The following FRMD4A variants were observed in gnomAD, a reference collection of about 807,000 sequenced individuals.
The protein encoded by FRMD4A is FERM domain containing 4A, also known as FERM domain-containing protein 4A.
A neutral mutation model predicts 129.1 loss-of-function variants in FRMD4A; 29 were observed. That is an observed-to-expected ratio of 0.22 (90% CI 0.17 to 0.31). The LOEUF is 0.31. Ranked by LOEUF, FRMD4A falls within the 10% of genes least tolerant of loss-of-function variation. FRMD4A has a pLI of 1.00. For synonymous variants in FRMD4A, 634 were observed against 571.6 expected (o/e 1.11, Z -1.56); for missense variants, 1,272 against 1,375.8 (o/e 0.92, Z 1.19).
chr10:14,017,589 T>C (rs1352340917), intron 2 of FRMD4A, among the ~76,000 whole-genome samples: 1 of 152,226 alleles, frequency 6.6e-6, no homozygotes. Context: ...TGCTTCCTTT[T>C]CCAGGAGGAG....
At chr10:13,972,172 A>T in intron 2 of FRMD4A, 1 of 1,039,690 alleles carries the variant, frequency 9.6e-7, no homozygotes, top group Non-Finnish European at 1.2e-6. Context: ...GAACTTAGGG[A>T]AGACCTCAGA....
intron 2 of FRMD4A, among the ~76,000 whole-genome samples, chr10:14,231,076 A>G (rs7912841): frequency 0.09 from 13,719 of 152,172 alleles, 1,450 homozygotes; most frequent in African/African-American, 0.26. Flanking sequence ...GGGTGCTTCA[A>G]TGAACATATG....
chr10:13,896,635 T>C (rs2094761852), intron 2 of FRMD4A, among the ~76,000 whole-genome samples: 1 of 151,660 alleles, frequency 6.6e-6, no homozygotes, highest in Non-Finnish European at 1.5e-5. Context: ...AGTATACCTA[T>C]GTAACAAACC....
At chr10:13,671,974 C>T (rs1371627238) in intron 16 of FRMD4A, among the ~76,000 whole-genome samples, 2 of 152,270 alleles carry the variant, frequency 1.3e-5, no homozygotes, top group African/African-American at 4.8e-5. Context: ...CGCAGGGCAG[C>T]CCAGGGCTGA....
chr10:13,852,624 G>A (rs574521937), intron 3 of FRMD4A, among the ~76,000 whole-genome samples: 9 of 151,920 alleles, frequency 5.9e-5, no homozygotes, highest in Admixed American at 3.9e-4. Context: ...ATTTTAACAC[G>A]GACTCACCAA....
intron 2 of FRMD4A, among the ~76,000 whole-genome samples, chr10:14,081,043 C>A (rs960344106): frequency 6.6e-6 from 1 of 151,990 alleles, no homozygotes; most frequent in African/African-American, 2.4e-5. Flanking sequence ...AAAGATTACT[C>A]AGGTTGTAAT....
intron 2 of FRMD4A, among the ~76,000 whole-genome samples, chr10:13,895,821 A>G (rs1235180790): frequency 6.6e-6 from 1 of 152,214 alleles, no homozygotes; most frequent in East Asian, 1.9e-4. Context: ...CAAATTTACA[A>G]GAAAAAAACA....
At chr10:14,285,892 T>C (rs943954971) in intron 2 of FRMD4A, among the ~76,000 whole-genome samples, 1 of 152,204 alleles carries the variant, frequency 6.6e-6, no homozygotes, top group Non-Finnish European at 1.5e-5. Flanking sequence ...GTAATGATGA[T>C]GTTTTGGGCT....
In FRMD4A at chr10:14,155,735, G is replaced by T. The variant is rs140212837; in HGVS notation, c.45+174323C>A. Among the ~76,000 whole-genome samples, 570 of 152,276 alleles carry T rather than the reference G, an allele frequency of 3.7e-3. 6 individuals are homozygous for T. The highest frequency in any genetic ancestry group is 0.034 in the East Asian group (176 of 5,182). On this transcript the variant is annotated intron_variant, in intron 2 of 24. Transcript: ENST00000357447. ...ATTTAAAAAATGAAAGTAAATGTTA[G>T]GAAAGAGTGAGAGTGGTTGGAGGTT...
chr10:13,976,966 G>A (rs945704917), intron 2 of FRMD4A, among the ~76,000 whole-genome samples: 1 of 152,178 alleles, frequency 6.6e-6, no homozygotes, highest in Non-Finnish European at 1.5e-5. Flanking sequence ...TTCTCCAAGA[G>A]CAAAGCCCAG....
chr10:14,015,983 C>T (rs917762268), intron 2 of FRMD4A, among the ~76,000 whole-genome samples: 4 of 152,294 alleles, frequency 2.6e-5, no homozygotes, highest in East Asian at 3.9e-4. Context: ...GTCACTACAA[C>T]GGATCAAGTG....
chr10:14,310,649 A>G (rs1846515506), intron 2 of FRMD4A, among the ~76,000 whole-genome samples: 2 of 152,114 alleles, frequency 1.3e-5, no homozygotes, highest in African/African-American at 4.8e-5. Context: ...CTGCATAATA[A>G]ACGATTAGGG....
rs1397139074 is a variant in FRMD4A, at chr10:14,056,013, C to T, written c.46-197101G>A. Among the ~76,000 whole-genome samples, 36 of 152,182 alleles carry T rather than the reference C, an allele frequency of 2.4e-4. 1 individual carries two copies. Among genetic ancestry groups the T allele is most frequent in the Admixed American group, 2.4e-3 (36 of 15,272 alleles). The stretch of plus-strand genomic sequence containing the variant: ...GCAGTGGCGCGATCTCGGCTCACTG[C>T]AAGCTCCGCCTCCTGGGTTCACGTC... On this transcript the variant is annotated intron_variant, in intron 2 of 24. Transcript: ENST00000357447.
intron 2 of FRMD4A, among the ~76,000 whole-genome samples, chr10:14,073,746 A>G (rs1365363527): frequency 6.6e-6 from 1 of 152,168 alleles, no homozygotes; most frequent in Non-Finnish European, 1.5e-5. Flanking sequence ...CCACTGGTCA[A>G]GATGAAATCC....
At chr10:13,850,096 G>T (rs2094120220) in intron 3 of FRMD4A, among the ~76,000 whole-genome samples, 1 of 152,010 alleles carries the variant, frequency 6.6e-6, no homozygotes, top group South Asian at 2.1e-4. Context: ...TTGAACCCAG[G>T]AGGCTGAGGC....
chr10:14,142,607 T>A (rs1241944506), intron 2 of FRMD4A, among the ~76,000 whole-genome samples: 1 of 152,226 alleles, frequency 6.6e-6, no homozygotes, highest in Non-Finnish European at 1.5e-5. Flanking sequence ...CAGGACTTTG[T>A]AACATGGAAG....
chr10:14,308,194 G>A (rs527803660), intron 2 of FRMD4A, among the ~76,000 whole-genome samples: 1 of 152,326 alleles, frequency 6.6e-6, no homozygotes, highest in South Asian at 2.1e-4. Context: ...CTCTATTGAT[G>A]ACCAAATTGC....
intron 2 of FRMD4A, among the ~76,000 whole-genome samples, chr10:14,156,491 A>C (rs997909782): frequency 1.3e-5 from 2 of 152,212 alleles, no homozygotes; most frequent in African/African-American, 4.8e-5. Context: ...ACATATTTGT[A>C]ATATAAATAA....
chr10:14,048,458 C>G (rs1834082821), intron 2 of FRMD4A, among the ~76,000 whole-genome samples: 1 of 152,166 alleles, frequency 6.6e-6, no homozygotes, highest in Non-Finnish European at 1.5e-5. Flanking sequence ...TTTTTGTAAA[C>G]AGAATAGGGC....
Sources: gnomAD v4.1 joint callset for allele counts (sites outside exome capture counted in the v4.1 genomes callset) on GRCh38, gnomAD v4.1.1 for gene constraint, MANE v1.5 for transcripts, NCBI Gene and HGNC (gene_info 2026-07-23, HGNC 2026-07-21) for gene names.